UBE2N: variants seen among roughly 807,000 people sequenced by gnomAD.
The protein encoded by UBE2N is ubiquitin-conjugating enzyme E2 N.
For missense variants in UBE2N, 60 were observed against 192.1 expected (o/e 0.31, Z 4.07); for synonymous variants, 70 against 69.2 (o/e 1.01, Z -0.06).
intron 1 of UBE2N, chr12:93,429,278 AAAAAG>A (rs1288516717): frequency 7.0e-6 from 3 of 425,870 alleles, no homozygotes; most frequent in East Asian, 7.1e-5. Flanking sequence ...TCAAAAAAAA[AAAAAG>A]AAAGAAAGAA....
chr12:93,440,619 G>A (rs764680531), intron 1 of UBE2N, among the ~76,000 whole-genome samples: 5 of 152,176 alleles, frequency 3.3e-5, no homozygotes, highest in Non-Finnish European at 5.9e-5. Context: ...TCACAAGAAT[G>A]AGCAAGATTA....
intron 1 of UBE2N, among the ~76,000 whole-genome samples, chr12:93,419,334 G>A (rs1359775947): frequency 6.6e-6 from 1 of 151,698 alleles, no homozygotes; most frequent in Admixed American, 6.6e-5. Flanking sequence ...AGGTTGCAGT[G>A]AGCCGAGATC....
At chr12:93,429,725 G>C (rs1878701836) in intron 1 of UBE2N, among the ~76,000 whole-genome samples, 1 of 151,972 alleles carries the variant, frequency 6.6e-6, no homozygotes, top group Non-Finnish European at 1.5e-5. Flanking sequence ...TGATACTGCT[G>C]ATCCTGAATA....
chr12:93,427,533 G>C (rs1395441045), intron 1 of UBE2N, among the ~76,000 whole-genome samples: 1 of 152,334 alleles, frequency 6.6e-6, no homozygotes, highest in Non-Finnish European at 1.5e-5. Context: ...CCATTTATAT[G>C]AAGTGTGTAC....
intron 1 of UBE2N, among the ~76,000 whole-genome samples, chr12:93,436,639 T>C (rs1401280553): frequency 6.6e-6 from 1 of 152,166 alleles, no homozygotes; most frequent in Non-Finnish European, 1.5e-5. Context: ...TTTTTTTTTT[T>C]TGGTGGAGAT....
chr12:93,410,354 T>TA (rs1877997024), intron 3 of UBE2N: 2 of 491,612 alleles, frequency 4.1e-6, no homozygotes, highest in African/African-American at 4.0e-5. Flanking sequence ...CTAATTTTCT[T>TA]AAAATCTGTA....
intron 1 of UBE2N, among the ~76,000 whole-genome samples, chr12:93,440,888 G>A (rs991473861): frequency 4.6e-5 from 7 of 152,108 alleles, no homozygotes; most frequent in Admixed American, 4.6e-4. Flanking sequence ...TTCATAAACA[G>A]CCAATTAATA....
intron 1 of UBE2N, among the ~76,000 whole-genome samples, chr12:93,435,126 T>C (rs57003307): frequency 8.1e-4 from 123 of 152,252 alleles, no homozygotes; most frequent in African/African-American, 2.9e-3. Context: ...AACTTTTCCA[T>C]GCCTTTTTTT....
At chr12:93,417,013 C>A (rs1171379195) in intron 1 of UBE2N, among the ~76,000 whole-genome samples, 1 of 152,082 alleles carries the variant, frequency 6.6e-6, no homozygotes, top group Non-Finnish European at 1.5e-5. Context: ...AGTTTAGGGC[C>A]ATGCATAATA....
At chr12:93,420,539 T>C (rs1303695295) in intron 1 of UBE2N, among the ~76,000 whole-genome samples, 1 of 152,212 alleles carries the variant, frequency 6.6e-6, no homozygotes, top group African/African-American at 2.4e-5. Flanking sequence ...ACTGCTGGTT[T>C]ACTTCTCAGA....
At chr12:93,424,345 T>C (rs1189014069) in intron 1 of UBE2N, 2 of 152,180 alleles carry the variant, frequency 1.3e-5, no homozygotes, top group Non-Finnish European at 2.9e-5. Context: ...GAGGACTCCA[T>C]AATAGGTAAG....
intron 1 of UBE2N, among the ~76,000 whole-genome samples, chr12:93,422,674 G>T (rs1201804693): frequency 3.9e-5 from 6 of 151,980 alleles, no homozygotes; most frequent in African/African-American, 1.4e-4. Flanking sequence ...AGTGAACTTG[G>T]TTTTTTTCTT....
intron 1 of UBE2N, among the ~76,000 whole-genome samples, chr12:93,433,099 A>AT (rs1878820069): frequency 6.6e-6 from 1 of 151,454 alleles, no homozygotes; most frequent in South Asian, 2.1e-4. Flanking sequence ...CGCCCAGCTA[A>AT]TTTTTTTGTA....
rs1878138536 is a variant in UBE2N, at chr12:93,414,458, A to C, written c.31-3159T>G. On this transcript the variant is annotated intron_variant, in intron 1 of 3. Transcript: ENST00000318066. ...AGCGAAGCTCCGTCTCAAAAAAAAA[A>C]AAAAAAAAAAAAAGTCATAGTCCTT... is the stretch of plus-strand genomic sequence containing the variant. Among the ~76,000 whole-genome samples the C allele has an allele frequency of 2.0e-5, 3 of 151,660 alleles. No homozygotes were observed. The South Asian group carries it at 6.2e-4, about 31-fold the overall frequency.
intron 1 of UBE2N, among the ~76,000 whole-genome samples, chr12:93,431,045 G>A (rs1240822634): frequency 1.3e-5 from 2 of 151,714 alleles, no homozygotes; most frequent in African/African-American, 4.8e-5. Context: ...TGGCCAACAT[G>A]GTGAAACCCC....
chr12:93,416,448 TATC>T (rs958375829), intron 1 of UBE2N, among the ~76,000 whole-genome samples: 11 of 147,962 alleles, frequency 7.4e-5, no homozygotes, highest in South Asian at 2.1e-4. Context: ...TTCACTTATC[TATC>T]TTTTTTTTTT....
chr12:93,429,847 T>C (rs1340357748), intron 1 of UBE2N, among the ~76,000 whole-genome samples: 1 of 152,168 alleles, frequency 6.6e-6, no homozygotes, highest in Non-Finnish European at 1.5e-5. Context: ...TGCACAGCTG[T>C]ATGATGTGTG....
intron 1 of UBE2N, among the ~76,000 whole-genome samples, chr12:93,417,603 A>G (rs1207786711): frequency 6.6e-6 from 1 of 152,228 alleles, no homozygotes; most frequent in Non-Finnish European, 1.5e-5. Flanking sequence ...CTGAAACACA[A>G]AATTGCAATA....
intron 1 of UBE2N, among the ~76,000 whole-genome samples, chr12:93,438,554 T>C (rs1362411406): frequency 6.7e-6 from 1 of 150,056 alleles, no homozygotes; most frequent in Non-Finnish European, 1.5e-5. Context: ...CCCAAATGAA[T>C]GCAGGGCCTT....
Sources: allele counts gnomAD v4.1 joint callset (sites outside exome capture counted in the v4.1 genomes callset), GRCh38; gene constraint gnomAD v4.1.1; transcripts MANE v1.5; gene names NCBI Gene and HGNC (gene_info 2026-07-23, HGNC 2026-07-21).